RANBP17: variants seen among roughly 807,000 people sequenced by gnomAD.
The protein encoded by RANBP17 is RAN binding protein 17, also known as ran-binding protein 17.
A neutral mutation model predicts 141.2 loss-of-function variants in RANBP17; 158 were observed. The ratio of observed to expected loss-of-function variants is 1.12; its 90% CI spans 0.98 to 1.28. The LOEUF is 1.28. RANBP17 is among the 50% of genes most tolerant of loss of function. RANBP17 has a pLI of 0.00. For missense variants in RANBP17, 1,438 were observed against 1,290.7 expected, an observed-to-expected ratio of 1.11 and a Z score of -1.75; for synonymous variants, 430 against 450.0, an observed-to-expected ratio of 0.96 and a Z score of 0.56.
At chr5:170,899,459 T>C (rs1438456146) in intron 5 of RANBP17, among the ~76,000 whole-genome samples, 1 of 152,248 alleles carries the variant, frequency 6.6e-6, no homozygotes, top group Non-Finnish European at 1.5e-5. Context: ...TCATGTCATC[T>C]GCAAACAGAG....
chr5:170,950,468 A>G (rs757280686), intron 12 of RANBP17, among the ~76,000 whole-genome samples: 20 of 152,302 alleles, frequency 1.3e-4, no homozygotes, highest in Admixed American at 3.9e-4. Flanking sequence ...CAAATGGCCA[A>G]TAGGTATATG....
intron 18 of RANBP17, among the ~76,000 whole-genome samples, chr5:171,190,672 G>C (rs1761568604): frequency 6.6e-6 from 1 of 152,180 alleles, no homozygotes; most frequent in Non-Finnish European, 1.5e-5. Context: ...AGTAAATGGA[G>C]ACCCTCCAGG....
At chr5:170,967,350 G>A (rs190539314) in intron 13 of RANBP17, among the ~76,000 whole-genome samples, 1 of 152,186 alleles carries the variant, frequency 6.6e-6, no homozygotes, top group Non-Finnish European at 1.5e-5. Flanking sequence ...GGTGGGTCAG[G>A]CCTAGACAGA....
intron 14 of RANBP17, among the ~76,000 whole-genome samples, chr5:171,068,818 T>TC (rs1341618057): frequency 6.6e-6 from 1 of 152,134 alleles, no homozygotes; most frequent in East Asian, 1.9e-4. Flanking sequence ...ACTCTTGACC[T>TC]CAAGTGATCT....
intron 14 of RANBP17, among the ~76,000 whole-genome samples, chr5:171,050,540 C>G (rs1782888860): frequency 6.6e-6 from 1 of 152,088 alleles, no homozygotes; most frequent in African/African-American, 2.4e-5. Context: ...AGCCCCGTCT[C>G]TACAAAAAAT....
chr5:171,131,755 T>G (rs1322305421), intron 14 of RANBP17, among the ~76,000 whole-genome samples: 4 of 152,230 alleles, frequency 2.6e-5, no homozygotes. Context: ...GCTCAGCATT[T>G]AGAACATTAT....
In RANBP17 at chr5:171,148,122, T is replaced by C. The variant is rs565610537; in HGVS notation, c.1711-22008T>C. Among the ~76,000 whole-genome samples, 1,303 of 152,120 alleles carry C rather than the reference T, an allele frequency of 8.6e-3. 11 individuals carry two copies. Among genetic ancestry groups the C allele is most frequent in the Non-Finnish European group, 0.013 (849 of 67,918 alleles). On this transcript the variant is annotated intron_variant, in intron 14 of 27. Coordinates refer to ENST00000523189, the MANE Select transcript of RANBP17 (RefSeq NM_022897.5). ...CCTGTGCTCTCTGAAACATGTGCTG[T>C]GTCCACTCAGGGTTAAATGGATTAA...
chr5:170,924,349 G>C lies in RANBP17; in HGVS notation c.1275-8G>C, dbSNP rs775687300. On this transcript the variant is annotated splice_polypyrimidine_tract_variant and splice_region_variant and intron_variant, in intron 11 of 27. Transcript: ENST00000523189. ...AATGTTGTCTGCAAACTTATTCTGT[G>C]TTTGCAGAGATCACTTAGATGATCC... is the stretch of plus-strand genomic sequence containing the variant. The C allele has an allele frequency of 6.4e-6, 10 of 1,568,700 alleles. No homozygotes were observed. The South Asian group carries it at 1.1e-4, about 18-fold the overall frequency.
At chr5:171,090,345 T>A (rs1229068698) in intron 14 of RANBP17, among the ~76,000 whole-genome samples, 1 of 152,196 alleles carries the variant, frequency 6.6e-6, no homozygotes, top group African/African-American at 2.4e-5. Context: ...TTGTGGAATT[T>A]GAATTCGAGA....
intron 24 of RANBP17, among the ~76,000 whole-genome samples, chr5:171,261,102 C>CAAA (rs1766298403): frequency 1.4e-4 from 3 of 21,648 alleles, no homozygotes; most frequent in South Asian, 1.6e-3. Flanking sequence ...AAAAAAAAAA[C>CAAA]CAAAAGAAAA....
At chr5:171,251,098 T>A (rs914551406) in intron 24 of RANBP17, among the ~76,000 whole-genome samples, 1 of 152,022 alleles carries the variant, frequency 6.6e-6, no homozygotes, top group Non-Finnish European at 1.5e-5. Context: ...TCAACAAAAA[T>A]TTTTTTTAGA....
chr5:171,169,272 G>T (rs1223028752), intron 14 of RANBP17, among the ~76,000 whole-genome samples: 1 of 152,100 alleles, frequency 6.6e-6, no homozygotes, highest in African/African-American at 2.4e-5. Context: ...CAATCACAGA[G>T]GATCAAATCA....
intron 14 of RANBP17, among the ~76,000 whole-genome samples, chr5:171,088,676 T>C (rs1244681940): frequency 6.6e-6 from 1 of 152,184 alleles, no homozygotes; most frequent in Non-Finnish European, 1.5e-5. Context: ...TTATTCTTTT[T>C]TCTCTAAACT....
At chr5:171,025,489 A>G (rs1781171246) in intron 14 of RANBP17, among the ~76,000 whole-genome samples, 1 of 149,968 alleles carries the variant, frequency 6.7e-6, no homozygotes, top group South Asian at 2.1e-4. Flanking sequence ...TGCTTACTTA[A>G]TTCCTGTTTT....
intron 14 of RANBP17, among the ~76,000 whole-genome samples, chr5:171,067,320 A>G (rs1445063999): frequency 6.6e-6 from 1 of 152,138 alleles, no homozygotes; most frequent in Non-Finnish European, 1.5e-5. Flanking sequence ...TATTATTGCC[A>G]CAAATTACAT....
At chr5:171,290,069 T>C (rs1768391951) in intron 25 of RANBP17, among the ~76,000 whole-genome samples, 1 of 150,768 alleles carries the variant, frequency 6.6e-6, no homozygotes, top group Non-Finnish European at 1.5e-5. Context: ...CGCCTTGCCA[T>C]AGAGAAAGTA....
intron 14 of RANBP17, among the ~76,000 whole-genome samples, chr5:171,051,742 T>C (rs1782964308): frequency 1.3e-5 from 2 of 152,190 alleles, no homozygotes; most frequent in South Asian, 4.1e-4. Flanking sequence ...TTCATTTCTC[T>C]TGGGTATATA....
At chr5:171,231,059 C>G (rs1336890485) in intron 22 of RANBP17, among the ~76,000 whole-genome samples, 1 of 150,134 alleles carries the variant, frequency 6.7e-6, no homozygotes, top group Non-Finnish European at 1.5e-5. Flanking sequence ...GCCTCAACTT[C>G]CTGAGTAGCT....
In RANBP17 at chr5:170,916,096, A is replaced by C. The variant is rs1301366241; in HGVS notation, c.835-369A>C. On this transcript the variant is annotated intron_variant, in intron 8 of 27. Coordinates refer to ENST00000523189, the MANE Select transcript of RANBP17 (RefSeq NM_022897.5). ...TATAATGCATTATATTCTATATTGC[A>C]TTATCATGCGTTATATTCTATATTG... is the stretch of plus-strand genomic sequence containing the variant. Among the ~76,000 whole-genome samples, 2 of 149,990 alleles carry C rather than the reference A, an allele frequency of 1.3e-5. 1 individual carries two copies. Among genetic ancestry groups the C allele is most frequent in the Non-Finnish European group, 3.0e-5 (2 of 67,528 alleles).
Sources: allele counts gnomAD v4.1 joint callset (sites outside exome capture counted in the v4.1 genomes callset), GRCh38; gene constraint gnomAD v4.1.1; transcripts MANE v1.5; gene names NCBI Gene and HGNC (gene_info 2026-07-23, HGNC 2026-07-21).